The following ZNF704 variants were observed in gnomAD, a reference collection of about 807,000 sequenced individuals.
The protein encoded by ZNF704 is zinc finger protein 704, also known as glucocorticoid induced gene 1.
Under a neutral mutation model 44.7 loss-of-function variants are expected in ZNF704, and 10 were observed. The observed-to-expected ratio is 0.22, with a 90% CI of 0.14 to 0.38. ZNF704 has a LOEUF of 0.38. Ranked by LOEUF, ZNF704 falls within the 10% of genes least tolerant of loss-of-function variation. The probability of loss-of-function intolerance (pLI) is 1.00; values close to 1 mark genes in which losing one functional copy is unlikely to be tolerated. For synonymous variants in ZNF704, 211 were observed against 207.6 expected (o/e 1.02, Z -0.14); for missense variants, 390 against 545.5 (o/e 0.71, Z 2.84).
intron 1 of ZNF704, among the ~76,000 whole-genome samples, chr8:80,831,976 T>A (rs1808479343): frequency 6.6e-6 from 1 of 152,192 alleles, no homozygotes; most frequent in Non-Finnish European, 1.5e-5. Context: ...ACCATCAAAT[T>A]CTTTCTCCCT....
At chr8:80,783,163 G>T (rs1345273475) in intron 2 of ZNF704, among the ~76,000 whole-genome samples, 1 of 152,164 alleles carries the variant, frequency 6.6e-6, no homozygotes, top group African/African-American at 2.4e-5. Context: ...TCCACAGGGA[G>T]CAGGAGCAAA....
chr8:80,882,776 G>A, the ZNF704 span, among the ~76,000 whole-genome samples: 1 of 152,000 alleles, frequency 6.6e-6, no homozygotes, highest in Admixed American at 6.6e-5. Flanking sequence ...ACTTGCTTAT[G>A]TCACATCATA....
chr8:80,818,803 A>G (rs1434395100), intron 2 of ZNF704, among the ~76,000 whole-genome samples: 2 of 152,214 alleles, frequency 1.3e-5, no homozygotes, highest in Non-Finnish European at 2.9e-5. Flanking sequence ...CTTAGTAAAC[A>G]AAAGGAAAAT....
intron 2 of ZNF704, among the ~76,000 whole-genome samples, chr8:80,704,034 T>G (rs904819727): frequency 2.9e-4 from 44 of 152,218 alleles, no homozygotes; most frequent in African/African-American, 9.2e-4. Context: ...CCCTAAAAAT[T>G]GTTGGCTTAT....
chr8:80,758,035 T>A (rs1007649927), intron 2 of ZNF704, among the ~76,000 whole-genome samples: 10 of 152,234 alleles, frequency 6.6e-5, no homozygotes, highest in Non-Finnish European at 1.3e-4. Context: ...ATTTAACAGA[T>A]ACACTCATTG....
chr8:80,797,402 TC>T (rs1437060962), intron 2 of ZNF704, among the ~76,000 whole-genome samples: 3 of 152,274 alleles, frequency 2.0e-5, no homozygotes, highest in Non-Finnish European at 2.9e-5. Flanking sequence ...TCTGCCTGAG[TC>T]CACAAGCTGC....
At chr8:80,680,211 C>A (rs1009178050) in intron 4 of ZNF704, among the ~76,000 whole-genome samples, 1 of 152,146 alleles carries the variant, frequency 6.6e-6, no homozygotes, top group African/African-American at 2.4e-5. Context: ...AATTATGTAA[C>A]ATTTTTGAAG....
chr8:80,740,980 A>G (rs1206463555), intron 2 of ZNF704, among the ~76,000 whole-genome samples: 1 of 152,246 alleles, frequency 6.6e-6, no homozygotes, highest in African/African-American at 2.4e-5. Context: ...CAAGGTTTCC[A>G]AACCAAAGGC....
chr8:80,867,409 G>A (rs943803228), intron 1 of ZNF704, among the ~76,000 whole-genome samples: 1 of 152,128 alleles, frequency 6.6e-6, no homozygotes, highest in African/African-American at 2.4e-5. Flanking sequence ...CTGAGCATAA[G>A]AAACCAACCC....
intron 3 of ZNF704, among the ~76,000 whole-genome samples, chr8:80,690,223 C>T (rs1233351149): frequency 6.6e-6 from 1 of 152,032 alleles, no homozygotes; most frequent in African/African-American, 2.4e-5. Flanking sequence ...ACTGTGCTAA[C>T]GAAAGTTTGC....
rs773362126 is a variant in ZNF704 at position 80,687,289 on chromosome 8, G to C, written c.495C>G (p.Asp165Glu). ...TGCTGGCCTCCGCCTCGTCGATGCC[G>C]TCGTCTGGCTGCGCGGGGCTGCGGA... ...KPFRSPAQPD[D>E]GIDEAEASNL... Residue 165 changes from aspartate (D) to glutamate (E), a missense_variant, in exon 4 of 9, where the codon GAC becomes GAG. By Grantham distance (45) the Asp-to-Glu change is conservative. This residue lies in a region of ZNF704 where 305 missense variants were observed against 435.7 expected (regional missense o/e 0.70). Coordinates refer to ENST00000327835, the MANE Select transcript of ZNF704 (RefSeq NM_001033723.3). 1 of 1,613,120 alleles carries C rather than the reference G, an allele frequency of 6.2e-7. No homozygotes were observed. The highest frequency in any genetic ancestry group is 8.5e-7 in the Non-Finnish European group (1 of 1,179,836).
intron 2 of ZNF704, among the ~76,000 whole-genome samples, chr8:80,731,825 C>A (rs1212449657): frequency 6.6e-6 from 1 of 152,118 alleles, no homozygotes; most frequent in African/African-American, 2.4e-5. Context: ...GTTTTATTCT[C>A]TGTTATAATG....
intron 1 of ZNF704, among the ~76,000 whole-genome samples, chr8:80,839,326 C>G (rs1246689688): frequency 6.6e-6 from 1 of 152,268 alleles, no homozygotes; most frequent in East Asian, 1.9e-4. Context: ...GAAGGTTCTT[C>G]CTTCAAATAC....
intron 1 of ZNF704, among the ~76,000 whole-genome samples, chr8:80,836,655 C>G (rs950631261): frequency 6.6e-6 from 1 of 151,950 alleles, no homozygotes. Context: ...CATGGTGGTA[C>G]GTGCCTTTAG....
intron 2 of ZNF704, among the ~76,000 whole-genome samples, chr8:80,743,578 C>T (rs547352863): frequency 3.9e-4 from 59 of 152,314 alleles, no homozygotes; most frequent in African/African-American, 1.3e-3. Context: ...TGGCTGCTGC[C>T]GCTCGGCACA....
chr8:80,834,373 A>T (rs1808523094), intron 1 of ZNF704, among the ~76,000 whole-genome samples: 1 of 152,174 alleles, frequency 6.6e-6, no homozygotes, highest in Admixed American at 6.5e-5. Context: ...GGCAGCTTCA[A>T]TGATGGAGTA....
chr8:80,645,005 A>G, intron 7 of ZNF704: 1 of 1,206,174 alleles, frequency 8.3e-7, no homozygotes, highest in Non-Finnish European at 1.2e-6. Flanking sequence ...GGATCATATA[A>G]TGGACCCATC....
intron 2 of ZNF704, among the ~76,000 whole-genome samples, chr8:80,769,906 A>AT (rs1029340988): frequency 2.4e-4 from 36 of 152,292 alleles, no homozygotes; most frequent in African/African-American, 7.9e-4. Context: ...AGACTGGGCA[A>AT]TTTACAAAGG....
Position 80,821,428 on chromosome 8 carries a change from A to AGAC in ZNF704, c.164_166dup (p.Cys55_Leu56insArg). 1.9e-6 allele frequency: 3 copies of AGAC among 1,614,062 alleles called. No homozygotes were observed. In the South Asian group the frequency reaches 3.3e-5, roughly 18 times the overall value. ...AACAACTTTTCTTTTTTGCTCAAGG[A>AGAC]GACAGATGGAGCGAGTGTTTTCTTT... On this transcript the variant is annotated inframe_insertion, in exon 2 of 9. Transcript: ENST00000327835.
Sources: allele counts gnomAD v4.1 joint callset (sites outside exome capture counted in the v4.1 genomes callset), GRCh38; gene constraint gnomAD v4.1.1; regional missense constraint gnomAD v4.1.1; transcripts MANE v1.5; gene names NCBI Gene and HGNC (gene_info 2026-07-23, HGNC 2026-07-21).